Variants in FLOT2 observed in about 807,000 individuals in gnomAD.
FLOT2 encodes the protein flotillin-2.
Under a neutral mutation model 54.9 loss-of-function variants are expected in FLOT2, and 35 were observed. The ratio of observed to expected loss-of-function variants is 0.64; its 90% CI spans 0.49 to 0.84. The LOEUF is 0.84. Ranked by LOEUF, FLOT2 falls within the 40% of genes least tolerant of loss-of-function variation. The pLI is 0.00. For synonymous variants in FLOT2, 207 were observed against 228.9 expected, an observed-to-expected ratio of 0.90 and a Z score of 0.86; for missense variants, 464 against 572.1, an observed-to-expected ratio of 0.81 and a Z score of 1.93.
chr17:28,895,657 A>G (rs1422113154), intron 1 of FLOT2, among the ~76,000 whole-genome samples: 2 of 152,226 alleles, frequency 1.3e-5, no homozygotes, highest in Non-Finnish European at 2.9e-5. Context: ...TAATCACAGA[A>G]AACACTAAAT....
Position 28,882,094 on chromosome 17 carries a change from C to G in FLOT2, c.699+24G>C. ...CAAGTCCTGATCCCTGAGCCCCATC[C>G]CAGGATGTCCTCAGGCTGCTCACCT... On this transcript the variant is annotated intron_variant, in intron 7 of 10. Transcript: ENST00000394908. The surrounding 1 kb of genome is among the most constrained non-coding windows in gnomAD (Gnocchi z 5.6). 6.2e-7 allele frequency: 1 copy of G among 1,613,802 alleles called. No homozygotes were observed. The highest frequency in any genetic ancestry group is 1.1e-5 in the South Asian group (1 of 91,080).
At chr17:28,896,958 C>T (rs939098374) in intron 1 of FLOT2, among the ~76,000 whole-genome samples, 16 of 152,248 alleles carry the variant, frequency 1.1e-4, no homozygotes, top group African/African-American at 3.4e-4. Context: ...ACTGCACTGC[C>T]CAGAACCGGG....
intron 1 of FLOT2, chr17:28,893,069 A>G (rs2039680504): frequency 6.6e-6 from 1 of 152,182 alleles, no homozygotes; most frequent in African/African-American, 2.4e-5. Context: ...GGAAGCTGAA[A>G]CTGCCAGATT....
intron 2 of FLOT2, 99 bp downstream of exon 2, chr17:28,888,846 G>A (rs2039595134): frequency 2.0e-6 from 1 of 490,970 alleles, no homozygotes; most frequent in Non-Finnish European, 3.8e-6. Flanking sequence ...GGAAATGGTA[G>A]ATGCTCTAGC....
At position 28,885,361 on chromosome 17, in the gene FLOT2, C is replaced by A. The variant is rs924445871; in HGVS notation, c.132-1046G>T. Among the ~76,000 whole-genome samples, 6 of 152,280 alleles carry A rather than the reference C, an allele frequency of 3.9e-5. No individual in the cohort carries two copies. The East Asian group carries it at 1.2e-3, about 29-fold the overall frequency. ...GGGGGTGAGAAAGATGTGGTTCAGG[C>A]CTCTTCCAGGCTGGGAACCCGCTGG... On this transcript the variant is annotated intron_variant, in intron 2 of 10. Coordinates refer to ENST00000394908, the MANE Select transcript of FLOT2 (RefSeq NM_004475.3).
In FLOT2 at chr17:28,881,237, G is replaced by T; in HGVS notation, c.1053C>A (p.Tyr351Ter). 1 of 1,614,182 alleles carries T rather than the reference G, an allele frequency of 6.2e-7. No homozygotes were observed. The highest frequency in any genetic ancestry group is 1.1e-5 in the South Asian group (1 of 91,088). ...MKLKAEAYQK[Y>*]GDAAKMALVL... is the part of the protein sequence containing the mutation. ...CCAAGGCCATCTTGGCTGCATCCCC[G>T]TATTTCTGGTAGGCTTCTGCCTTGA... The change falls in exon 9 of 11, where the codon TAC (tyrosine) becomes TAA (stop). Residue 351 changes from tyrosine to a stop codon, truncating the protein, a stop_gained. Transcript: ENST00000394908. LOFTEE classifies it high-confidence loss of function.
intron 1 of FLOT2, 35 bp from the exon 2 acceptor site, chr17:28,889,061 G>A (rs767833061): frequency 5.7e-6 from 9 of 1,591,950 alleles, no homozygotes; most frequent in Non-Finnish European, 7.8e-6. Flanking sequence ...AAGTCAGTCG[G>A]TTCTTGGGTC....
intron 1 of FLOT2, among the ~76,000 whole-genome samples, chr17:28,896,371 G>A (rs1312010786): frequency 6.6e-6 from 1 of 152,190 alleles, no homozygotes; most frequent in African/African-American, 2.4e-5. Flanking sequence ...CTCTAAGGGT[G>A]GGGACTGGGA....
At chr17:28,881,762 A>C (rs2039452055) in intron 8 of FLOT2, 52 bp downstream of exon 8, 9 of 1,531,580 alleles carry the variant, frequency 5.9e-6, no homozygotes, top group Non-Finnish European at 8.1e-6. Flanking sequence ...GAGTGCACTG[A>C]AGGCAGAGGA....
rs922630601 is a variant in FLOT2 at position 28,884,161 on chromosome 17, C to A, written c.222+64G>T. The A allele has an allele frequency of 2.5e-5, 31 of 1,252,382 alleles. No homozygotes were observed. In the East Asian group the frequency reaches 5.8e-4, roughly 23 times the overall value. The allele number at this position is 1,252,382 out of a possible 1,614,324, so 77.6% of individuals were successfully genotyped here. A position where few individuals can be genotyped will look rare whatever the true frequency, so the allele number is the denominator to read the frequency against. ...CTGGCTGCTGTCCTCTCCTCCTCCC[C>A]CCGAACCCGAGTACGGGACCAGGCA... On this transcript the variant is annotated intron_variant, in intron 3 of 10. Coordinates refer to ENST00000394908, the MANE Select transcript of FLOT2 (RefSeq NM_004475.3). This position sits in a 1 kb window ranked among gnomAD's most constrained non-coding sequence, Gnocchi z 5.1.
At chr17:28,888,805 A>ACCCCCCCCCCC in intron 2 of FLOT2, 140 bp downstream of exon 2, 1 of 393,058 alleles carries the variant, frequency 2.5e-6, no homozygotes, top group Non-Finnish European at 5.2e-6. Context: ...GTCCCCCCCA[A>ACCCCCCCCCCC]CCCCACCCCT....
chr17:28,897,434 G>T lies in FLOT2; in HGVS notation c.49+92C>A. The stretch of plus-strand genomic sequence containing the variant: ...GGCCAGCGCCCTGCGCCGCGCGGTG[G>T]ACTCAGGCCCAGCTCTTCCCCGTGC... On this transcript the variant is annotated intron_variant, in intron 1 of 10. Transcript: ENST00000394908. This position sits in a 1 kb window ranked among gnomAD's most constrained non-coding sequence, Gnocchi z 4.4. The T allele has an allele frequency of 3.2e-6, 4 of 1,260,982 alleles. No homozygotes were observed. The highest frequency in any genetic ancestry group is 3.3e-6 in the Non-Finnish European group (3 of 912,686). The allele number at this position is 1,260,982 out of a possible 1,614,324, so 78.1% of individuals were successfully genotyped here. A position where few individuals can be genotyped will look rare whatever the true frequency, so the allele number is the denominator to read the frequency against.
At chr17:28,885,411 G>A (rs951597355) in intron 2 of FLOT2, among the ~76,000 whole-genome samples, 6 of 152,210 alleles carry the variant, frequency 3.9e-5, no homozygotes, top group African/African-American at 1.4e-4. Flanking sequence ...GGGGGCAGGG[G>A]CTTTTTATTG....
Position 28,881,196 on chromosome 17 carries a change from G to C in FLOT2, c.1094C>G (p.Pro365Arg). ...AKMALVLEAL[P>R]QIAAKIAAPL... is the part of the protein sequence containing the mutation. ...CCGCTTGGGTGGAAGCCTCACCTGG[G>C]GCAGGGCCTCTAGCACCAAGGCCAT... Residue 365 changes from proline to arginine, a missense_variant, in exon 9 of 11, where the codon CCC becomes CGC. Coordinates refer to ENST00000394908, the MANE Select transcript of FLOT2 (RefSeq NM_004475.3). The C allele has an allele frequency of 6.2e-7, 1 of 1,613,180 alleles. No individual in the cohort carries two copies. Among genetic ancestry groups the C allele is most frequent in the Non-Finnish European group, 8.5e-7 (1 of 1,179,494 alleles).
At chr17:28,885,478 GAATGAAGC>G (rs2039523897) in intron 2 of FLOT2, 5 of 668,134 alleles carry the variant, frequency 7.5e-6, no homozygotes, top group African/African-American at 1.8e-5. Context: ...GAGAGCTGGT[GAATGAAGC>G]AATGAAGAGG....
At chr17:28,886,086 A>G in intron 2 of FLOT2, 1 of 595,608 alleles carries the variant, frequency 1.7e-6, no homozygotes, top group Admixed American at 2.2e-5. Flanking sequence ...CAGTAATCCA[A>G]CCCCCCAACT....
In FLOT2 at chr17:28,883,332, C is replaced by A; in HGVS notation, c.223-101G>T. ...GATGGTGGCTGTGCCTCCTCCCTTC[C>A]TTTTTTCAGACCTGGAGGCCCTGGG... On this transcript the variant is annotated intron_variant, in intron 3 of 10. Transcript: ENST00000394908. This position sits in a 1 kb window ranked among gnomAD's most constrained non-coding sequence, Gnocchi z 5.0. 2 of 1,465,418 alleles carry A rather than the reference C, an allele frequency of 1.4e-6. No homozygotes were observed. The highest frequency in any genetic ancestry group is 3.6e-5 in the Admixed American group (2 of 55,568). 90.8% of individuals were successfully genotyped at this position (1,465,418 alleles called of 1,614,324 possible).
chr17:28,883,184 C>T lies in FLOT2; in HGVS notation c.270G>A (p.Gln90=). The change falls in exon 4 of 11, where the codon CAG becomes CAA. Residue 90 remains glutamine, a synonymous_variant. Transcript: ENST00000394908. The surrounding 1 kb of genome is among the most constrained non-coding windows in gnomAD (Gnocchi z 5.0). ...EKELLAVACE[Q]FLGKNVQDIK... ...TGTCCTGCACATTCTTACCCAGAAACTGCTCACAAGCCACGGCCAGGAGTT... is the reference window on the plus strand; with the variant it reads ...TGTCCTGCACATTCTTACCCAGAAATTGCTCACAAGCCACGGCCAGGAGTT... 1 of 1,614,128 alleles carries T rather than the reference C, an allele frequency of 6.2e-7. No homozygotes were observed. The highest frequency in any genetic ancestry group is 8.5e-7 in the Non-Finnish European group (1 of 1,180,016).
intron 2 of FLOT2, among the ~76,000 whole-genome samples, chr17:28,887,948 C>A (rs1010259757): frequency 6.6e-6 from 1 of 152,212 alleles, no homozygotes; most frequent in Non-Finnish European, 1.5e-5. Context: ...CCATTCCCCC[C>A]GACCCTAGCA....
Sources: allele counts gnomAD v4.1 joint callset (sites outside exome capture counted in the v4.1 genomes callset), GRCh38; gene constraint gnomAD v4.1.1; non-coding constraint Gnocchi (gnomAD v3.1); transcripts MANE v1.5; gene names NCBI Gene and HGNC (gene_info 2026-07-23, HGNC 2026-07-21).